ANKH: variants seen among roughly 807,000 people sequenced by gnomAD.
The protein encoded by ANKH is ANKH inorganic pyrophosphate transport regulator.
In ANKH, 15 loss-of-function variants were observed where a neutral mutation model predicts 49.0. The observed-to-expected ratio is 0.31, with a 90% confidence interval of 0.20 to 0.47. The LOEUF (loss-of-function observed/expected upper bound fraction) is 0.47, where lower values mean the gene tolerates loss of function less well. ANKH is among the 20% of genes least tolerant of loss of function. ANKH has a pLI of 1.00. For missense variants in ANKH, 429 were observed against 652.0 expected, an observed-to-expected ratio of 0.66 and a Z score of 3.72; for synonymous variants, 273 against 260.0, an observed-to-expected ratio of 1.05 and a Z score of -0.48.
At position 14,758,464 on chromosome 5, in the gene ANKH, G is replaced by T. The variant is rs778266251; in HGVS notation, c.432+16C>A. 4 of 1,587,430 alleles carry T rather than the reference G, an allele frequency of 2.5e-6. No individual in the cohort carries two copies. In the South Asian group the frequency reaches 4.4e-5, roughly 18 times the overall value. ...TTAAAGAAAAAGAAAGAAAGCCAACGATCTTCTCTACTCACCATTGCGTCC... is the reference window on the plus strand; with the variant it reads ...TTAAAGAAAAAGAAAGAAAGCCAACTATCTTCTCTACTCACCATTGCGTCC... On this transcript the variant is annotated intron_variant, in intron 3 of 11. Coordinates refer to ENST00000284268, the MANE Select transcript of ANKH (RefSeq NM_054027.6).
chr5:14,844,829 T>C (rs1023299434), intron 1 of ANKH, among the ~76,000 whole-genome samples: 2 of 152,230 alleles, frequency 1.3e-5, no homozygotes, highest in African/African-American at 4.8e-5. Context: ...ACTCCTCTTT[T>C]CTTTGTGCAT....
chr5:14,844,044 A>C (rs1741890050), intron 1 of ANKH, among the ~76,000 whole-genome samples: 1 of 152,232 alleles, frequency 6.6e-6, no homozygotes. Flanking sequence ...CCTGGAGTCA[A>C]GTTCCCATTC....
At chr5:14,848,112 C>T (rs1416104718) in intron 1 of ANKH, among the ~76,000 whole-genome samples, 2 of 152,158 alleles carry the variant, frequency 1.3e-5, no homozygotes, top group African/African-American at 4.8e-5. Context: ...TACACTCCAG[C>T]CTGGCGATGG....
intron 2 of ANKH, among the ~76,000 whole-genome samples, chr5:14,767,369 G>A (rs1362392723): frequency 6.6e-6 from 1 of 152,160 alleles, no homozygotes; most frequent in African/African-American, 2.4e-5. Context: ...ATTCATATGT[G>A]CTTTCGTAGC....
At chr5:14,828,536 A>AAAAC (rs1561073731) in intron 1 of ANKH, among the ~76,000 whole-genome samples, 1 of 152,064 alleles carries the variant, frequency 6.6e-6, no homozygotes, top group Non-Finnish European at 1.5e-5. Flanking sequence ...AACAAACAAA[A>AAAAC]AAACAAACAA....
intron 8 of ANKH, among the ~76,000 whole-genome samples, chr5:14,728,745 C>T (rs926678921): frequency 9.9e-5 from 15 of 152,178 alleles, no homozygotes; most frequent in African/African-American, 2.2e-4. Flanking sequence ...CAGGGCCAGC[C>T]GGGCAAAGTC....
intron 1 of ANKH, among the ~76,000 whole-genome samples, chr5:14,805,246 T>C (rs1031933006): frequency 1.6e-4 from 25 of 151,872 alleles, no homozygotes; most frequent in African/African-American, 5.8e-4. Context: ...CTTCCTGCCC[T>C]CGAACATCAG....
intron 8 of ANKH, among the ~76,000 whole-genome samples, chr5:14,738,452 C>G (rs1738252638): frequency 6.6e-6 from 1 of 152,188 alleles, no homozygotes; most frequent in Non-Finnish European, 1.5e-5. Context: ...TTTCCCAAAG[C>G]AGCGGAGTGT....
At chr5:14,715,685 C>T (rs1310551941) in intron 9 of ANKH, among the ~76,000 whole-genome samples, 1 of 152,238 alleles carries the variant, frequency 6.6e-6, no homozygotes, top group African/African-American at 2.4e-5. Flanking sequence ...GCTATGCAAG[C>T]AGTTAGCACA....
intron 1 of ANKH, among the ~76,000 whole-genome samples, chr5:14,784,972 G>C (rs986204627): frequency 6.6e-6 from 1 of 152,144 alleles, no homozygotes; most frequent in Non-Finnish European, 1.5e-5. Flanking sequence ...AAGCTCCACT[G>C]GTCAGCGCTC....
At chr5:14,812,764 A>C (rs1044092997) in intron 1 of ANKH, among the ~76,000 whole-genome samples, 1 of 152,192 alleles carries the variant, frequency 6.6e-6, no homozygotes, top group Non-Finnish European at 1.5e-5. Flanking sequence ...TCTTCCTTAC[A>C]GTTTTAGTAA....
At chr5:14,825,456 A>G (rs897161954) in intron 1 of ANKH, among the ~76,000 whole-genome samples, 1 of 152,124 alleles carries the variant, frequency 6.6e-6, no homozygotes, top group African/African-American at 2.4e-5. Context: ...GGCTCAAGCA[A>G]TCCTCCCATC....
intron 3 of ANKH, among the ~76,000 whole-genome samples, chr5:14,757,430 A>ATATATATATT (rs1379233165): frequency 1.8e-5 from 2 of 113,816 alleles, no homozygotes; most frequent in African/African-American, 3.3e-5. Context: ...ATATATATAT[A>ATATATATATT]TTTTTTTTTT....
chr5:14,738,203 GT>G (rs2126460588), intron 8 of ANKH, among the ~76,000 whole-genome samples: 1 of 152,268 alleles, frequency 6.6e-6, no homozygotes, highest in African/African-American at 2.4e-5. Flanking sequence ...AAACAAACAC[GT>G]CATTGTAACA....
At chr5:14,838,307 G>A (rs980910239) in intron 1 of ANKH, among the ~76,000 whole-genome samples, 6 of 151,620 alleles carry the variant, frequency 4.0e-5, no homozygotes, top group Non-Finnish European at 7.4e-5. Flanking sequence ...AATGGGTGCA[G>A]CACACCAACA....
At chr5:14,778,655 T>C (rs1739709517) in intron 1 of ANKH, among the ~76,000 whole-genome samples, 1 of 152,184 alleles carries the variant, frequency 6.6e-6, no homozygotes, top group Non-Finnish European at 1.5e-5. Flanking sequence ...GACTCCCCAC[T>C]TTCCCTCTCA....
At chr5:14,736,463 TAA>T (rs143363896) in intron 8 of ANKH, among the ~76,000 whole-genome samples, 7,179 of 152,272 alleles carry the variant, frequency 0.047, 323 homozygotes, top group African/African-American at 0.11. Flanking sequence ...TAAACTCTTC[TAA>T]AGTTTATAGC....
At position 14,768,824 on chromosome 5, in the gene ANKH, C is replaced by G. The variant is rs569979948; in HGVS notation, c.313+151G>C. 29 of 837,838 alleles carry G rather than the reference C, an allele frequency of 3.5e-5. No individual in the cohort carries two copies. The African/African-American group carries it at 4.4e-4, about 13-fold the overall frequency. 51.9% of individuals were successfully genotyped at this position (837,838 alleles called of 1,614,324 possible). On this transcript the variant is annotated intron_variant, in intron 2 of 11. Transcript: ENST00000284268. ...ACATTATTGTCTTAAGCTAGGAGCACAAGCGCTTTCCTTCTATCCCCTGAA... is the reference window on the plus strand; with the variant it reads ...ACATTATTGTCTTAAGCTAGGAGCAGAAGCGCTTTCCTTCTATCCCCTGAA...
At chr5:14,749,927 T>C (rs928557631) in intron 5 of ANKH, among the ~76,000 whole-genome samples, 6 of 152,258 alleles carry the variant, frequency 3.9e-5, no homozygotes, top group African/African-American at 1.4e-4. Flanking sequence ...GCTTTCATTA[T>C]GCAATTTTGG....
Sources: gnomAD v4.1 joint callset for allele counts (sites outside exome capture counted in the v4.1 genomes callset) on GRCh38, gnomAD v4.1.1 for gene constraint, MANE v1.5 for transcripts, NCBI Gene and HGNC (gene_info 2026-07-23, HGNC 2026-07-21) for gene names.